Variants in ITGA4 observed in about 807,000 individuals in gnomAD.
ITGA4 encodes the protein integrin subunit alpha 4.
Under a neutral mutation model 133.6 loss-of-function variants are expected in ITGA4, and 63 were observed. That is an observed-to-expected ratio of 0.47 (90% CI 0.38 to 0.58). The LOEUF is 0.58. Ranked by LOEUF, ITGA4 falls within the 20% of genes least tolerant of loss-of-function variation. The pLI, the probability that ITGA4 is intolerant of heterozygous loss-of-function variation, is 0.00. For synonymous variants in ITGA4, 483 were observed against 438.0 expected, an observed-to-expected ratio of 1.10 and a Z score of -1.28; for missense variants, 1,076 against 1,252.7, an observed-to-expected ratio of 0.86 and a Z score of 2.13.
chr2:181,457,487 G>A lies in ITGA4; in HGVS notation c.-168G>A. ...AGGCCGGCCCGAACGCTCCGCCCGC[G>A]GTGGGCCGACTTCCCCTCCTCTTCC... is the stretch of plus-strand genomic sequence containing the variant. On this transcript the variant is annotated 5_prime_UTR_variant, in exon 1 of 28. Coordinates refer to ENST00000397033, the MANE Select transcript of ITGA4 (RefSeq NM_000885.6). 1.6e-6 allele frequency: 1 copy of A among 624,500 alleles called. No homozygotes were observed. Among genetic ancestry groups the A allele is most frequent in the Non-Finnish European group, 2.6e-6 (1 of 377,724 alleles). 38.7% of individuals were successfully genotyped at this position (624,500 alleles called of 1,614,324 possible). A position where few individuals can be genotyped will look rare whatever the true frequency, so the allele number is the denominator to read the frequency against.
At chr2:181,513,153 A>G (rs1480906755) in intron 17 of ITGA4, among the ~76,000 whole-genome samples, 3 of 152,096 alleles carry the variant, frequency 2.0e-5, no homozygotes, top group South Asian at 2.1e-4. Flanking sequence ...TTGGCACCCT[A>G]AATGGTCCTC....
intron 24 of ITGA4, 23 bp downstream of exon 24, chr2:181,530,672 G>T: frequency 6.2e-7 from 1 of 1,600,444 alleles, no homozygotes; most frequent in African/African-American, 1.3e-5. Context: ...TTTTCAGGTT[G>T]TAGTTCCTGC....
chr2:181,494,635 G>A, intron 11 of ITGA4, 87 bp from the exon 12 acceptor site: 1 of 773,068 alleles, frequency 1.3e-6, no homozygotes, highest in Non-Finnish European at 2.3e-6. Context: ...GGCATGCCTG[G>A]GAAAGCTCAT....
In ITGA4 at chr2:181,482,498, G is replaced by T. The variant is rs1685830029; in HGVS notation, c.904-16G>T. 6.2e-7 allele frequency: 1 copy of T among 1,613,694 alleles called. No homozygotes were observed. Among genetic ancestry groups the T allele is most frequent in the Non-Finnish European group, 8.5e-7 (1 of 1,179,718 alleles). Reference sequence around the variant, plus strand: ...GCTTTTTTCTCAATGAGTGGATCTGGTTTGTTTTGGGACAGCTTGGATCGT... The same window carrying T: ...GCTTTTTTCTCAATGAGTGGATCTGTTTTGTTTTGGGACAGCTTGGATCGT... On this transcript the variant is annotated splice_polypyrimidine_tract_variant and intron_variant, in intron 8 of 27. Coordinates refer to ENST00000397033, the MANE Select transcript of ITGA4 (RefSeq NM_000885.6).
chr2:181,500,477 C>A (rs1459586200), intron 15 of ITGA4, among the ~76,000 whole-genome samples: 1 of 152,138 alleles, frequency 6.6e-6, no homozygotes, highest in Non-Finnish European at 1.5e-5. Flanking sequence ...AAGACAGCAA[C>A]CTGAATTCTT....
At chr2:181,489,640 A>G (rs1685999923) in intron 10 of ITGA4, among the ~76,000 whole-genome samples, 1 of 152,224 alleles carries the variant, frequency 6.6e-6, no homozygotes, top group African/African-American at 2.4e-5. Flanking sequence ...TATATCGTCA[A>G]ATCATTAAGT....
At chr2:181,458,122 A>C (rs2105706333) in intron 1 of ITGA4, 74 bp from the exon 2 acceptor site, 1 of 1,600,056 alleles carries the variant, frequency 6.2e-7, no homozygotes, top group Admixed American at 1.7e-5. Flanking sequence ...TGCGGACTGC[A>C]CATCTGTGGC....
At chr2:181,492,157 T>A (rs1282703731) in intron 10 of ITGA4, among the ~76,000 whole-genome samples, 2 of 152,246 alleles carry the variant, frequency 1.3e-5, no homozygotes, top group African/African-American at 4.8e-5. Flanking sequence ...AGGTGCTCAC[T>A]AGCTGTCCGA....
chr2:181,478,738 T>C lies in ITGA4; in HGVS notation c.557-19T>C. The C allele has an allele frequency of 8.6e-7, 1 of 1,158,182 alleles. No homozygotes were observed. Among genetic ancestry groups the C allele is most frequent in the Non-Finnish European group, 1.2e-6 (1 of 815,966 alleles). 71.7% of individuals were successfully genotyped at this position (1,158,182 alleles called of 1,614,324 possible). A position where few individuals can be genotyped will look rare whatever the true frequency, so the allele number is the denominator to read the frequency against. ...ATCTTTAAGATAAAATTCTGAGTTGTTTTAATATTTCATTTTAGATTATGT... is the reference window on the plus strand; with the variant it reads ...ATCTTTAAGATAAAATTCTGAGTTGCTTTAATATTTCATTTTAGATTATGT... On this transcript the variant is annotated intron_variant, in intron 4 of 27. Coordinates refer to ENST00000397033, the MANE Select transcript of ITGA4 (RefSeq NM_000885.6).
At chr2:181,530,677 T>A in intron 24 of ITGA4, 28 bp downstream of exon 24, 1 of 1,598,350 alleles carries the variant, frequency 6.3e-7, no homozygotes, top group South Asian at 1.1e-5. Context: ...AGGTTGTAGT[T>A]CCTGCTTTCC....
At position 181,536,535 on chromosome 2, in the gene ITGA4, T is replaced by TAAAA. The variant is rs2105777980; in HGVS notation, c.*1008_*1009insAAAA. 1 of 74,476 alleles carries TAAAA rather than the reference T, an allele frequency of 1.3e-5. No individual in the cohort carries two copies. The highest frequency in any genetic ancestry group is 5.5e-5 in the African/African-American group (1 of 18,280). 4.6% of individuals were successfully genotyped at this position (74,476 alleles called of 1,614,324 possible). A position where few individuals can be genotyped will look rare whatever the true frequency, so the allele number is the denominator to read the frequency against. On this transcript the variant is annotated 3_prime_UTR_variant, in exon 28 of 28. Coordinates refer to ENST00000397033, the MANE Select transcript of ITGA4 (RefSeq NM_000885.6). Reference sequence around the variant, plus strand: ...CAACTATTTCCTTGGATGTAATTCTTTGTTACCCTTTACAAGTATAAGTGT... The same window carrying TAAAA: ...CAACTATTTCCTTGGATGTAATTCTTAAAATGTTACCCTTTACAAGTATAAGTGT...
rs541898218 is a variant in ITGA4 at position 181,531,942 on chromosome 2, T to C, written c.2784+166T>C. Among the ~76,000 whole-genome samples the C allele has an allele frequency of 2.6e-5, 4 of 152,350 alleles. No homozygotes were observed. In the East Asian group the frequency reaches 5.8e-4, roughly 22 times the overall value. On this transcript the variant is annotated intron_variant, in intron 25 of 27. Coordinates refer to ENST00000397033, the MANE Select transcript of ITGA4 (RefSeq NM_000885.6). ...ATTTCTATCACTTCAACTATCTACA[T>C]TGACTAAGTGAAATGGCTTTAGAAA...
intron 4 of ITGA4, chr2:181,475,897 G>T (rs1685663794): frequency 1.3e-6 from 2 of 1,560,762 alleles, no homozygotes; most frequent in Non-Finnish European, 1.7e-6. Context: ...GCATGTCAGA[G>T]GATATCTGCA....
rs146519500 is a variant in ITGA4, at chr2:181,482,131, C to G, written c.841-229C>G. ...GAGGCAAACAACACTTCCGGTGCCC[C>G]CTCTATAGGATCAATAAGATAATTC... On this transcript the variant is annotated intron_variant, in intron 7 of 27. Transcript: ENST00000397033. Among the ~76,000 whole-genome samples the G allele has an allele frequency of 1.8e-3, 270 of 152,218 alleles. 2 individuals carry two copies. The Middle Eastern group carries it at 0.044, about 25-fold the overall frequency.
In ITGA4 at chr2:181,521,942, C is replaced by T. The variant is rs140391853; in HGVS notation, c.1923-249C>T. Among the ~76,000 whole-genome samples the T allele has an allele frequency of 9.8e-3, 1,488 of 152,146 alleles. 24 individuals carry two copies. The highest frequency in any genetic ancestry group is 0.034 in the African/African-American group (1,399 of 41,516). ...TGCAGAAAAGAAATGAGAAAAGATA[C>T]GAGTTTAATTATAGCTCATTAAAGT... On this transcript the variant is annotated intron_variant, in intron 17 of 27. Transcript: ENST00000397033.
At chr2:181,531,875 T>C (rs1342643985) in intron 25 of ITGA4, 99 bp downstream of exon 25, 4 of 763,142 alleles carry the variant, frequency 5.2e-6, no homozygotes, top group Non-Finnish European at 8.0e-6. Context: ...ATTCAACAAA[T>C]TAAATTTTAA....
chr2:181,521,899 T>G (rs1404612764), intron 17 of ITGA4, among the ~76,000 whole-genome samples: 1 of 152,116 alleles, frequency 6.6e-6, no homozygotes, highest in Non-Finnish European at 1.5e-5. Flanking sequence ...ATGTTAAAAT[T>G]ATAGAAGCAA....
Position 181,538,025 on chromosome 2 carries a change from G to A in ITGA4, c.*2498G>A, listed in dbSNP as rs1247331085. The stretch of plus-strand genomic sequence containing the variant: ...GAGAATCTAATGCCTGATGATCTGA[G>A]GTGGAACAGTTCATCCTGAAACCAT... On this transcript the variant is annotated 3_prime_UTR_variant, in exon 28 of 28. Transcript: ENST00000397033. 2.9e-6 allele frequency: 2 copies of A among 693,196 alleles called. No homozygotes were observed. Among genetic ancestry groups the A allele is most frequent in the Non-Finnish European group, 5.4e-6 (2 of 370,084 alleles). 42.9% of individuals were successfully genotyped at this position (693,196 alleles called of 1,614,324 possible).
intron 10 of ITGA4, among the ~76,000 whole-genome samples, chr2:181,488,711 A>G (rs1360696520): frequency 6.6e-6 from 1 of 151,804 alleles, no homozygotes; most frequent in African/African-American, 2.4e-5. Context: ...GGCACCCGCC[A>G]CCACCCCAGC....
Sources: gnomAD v4.1 joint callset for allele counts (sites outside exome capture counted in the v4.1 genomes callset) on GRCh38, gnomAD v4.1.1 for gene constraint, MANE v1.5 for transcripts, NCBI Gene and HGNC (gene_info 2026-07-23, HGNC 2026-07-21) for gene names.